Variants in OTOGL observed in about 807,000 individuals in gnomAD.
OTOGL encodes otogelin-like protein.
In OTOGL, 285 loss-of-function variants were observed where a neutral mutation model predicts 318.5. The ratio of observed to expected loss-of-function variants is 0.89; its 90% CI spans 0.81 to 0.99. The LOEUF is 0.99. OTOGL is among the 50% of genes least tolerant of loss of function. OTOGL has a pLI of 0.00. For missense variants in OTOGL, 2,899 were observed against 2,845.6 expected (o/e 1.02, Z -0.43); for synonymous variants, 987 against 936.5 (o/e 1.05, Z -0.99).
chr12:80,345,279 G>A (rs1285312701), intron 44 of OTOGL, among the ~76,000 whole-genome samples: 2 of 144,140 alleles, frequency 1.4e-5, no homozygotes, highest in Non-Finnish European at 3.0e-5. Context: ...AGGCACTGAT[G>A]TCATCCAGTA....
rs1879492846 is a variant in OTOGL at position 80,232,891 on chromosome 12, G to C, written c.612-1G>C. 1 of 1,594,074 alleles carries C rather than the reference G, an allele frequency of 6.3e-7. No homozygotes were observed. The highest frequency in any genetic ancestry group is 1.1e-5 in the South Asian group (1 of 90,804). The stretch of plus-strand genomic sequence containing the variant: ...AGATAGCTTTTGTTCTGTTTTTCAA[G>C]TTTAACATTGCCTCAGACAATTGGA... On this transcript the variant is annotated splice_acceptor_variant, in intron 8 of 58. Transcript: ENST00000547103. LOFTEE classifies it high-confidence loss of function.
At chr12:80,306,305 ATT>A (rs1886101245) in intron 29 of OTOGL, among the ~76,000 whole-genome samples, 1 of 152,170 alleles carries the variant, frequency 6.6e-6, no homozygotes, top group African/African-American at 2.4e-5. Flanking sequence ...CATAATATAT[ATT>A]TTTATTTATT....
intron 1 of OTOGL, among the ~76,000 whole-genome samples, chr12:80,165,176 C>A (rs879631716): frequency 6.6e-6 from 1 of 152,090 alleles, no homozygotes; most frequent in Non-Finnish European, 1.5e-5. Context: ...TTATGTCTGT[C>A]CAGTACTTTT....
rs11114377 is a variant in OTOGL at position 80,267,409 on chromosome 12, T to A, written c.2465+82T>A. On this transcript the variant is annotated intron_variant, in intron 22 of 58. Transcript: ENST00000547103. ...CTTTCTTTTATATATATATATATAT[T>A]TTTTTATTATACTTTAAGTTCTAGG... is the stretch of plus-strand genomic sequence containing the variant. 0.65 allele frequency: 366,483 copies of A among 567,664 alleles called. 113,197 individuals are homozygous for A. Among genetic ancestry groups the A allele is most frequent in the East Asian group, 0.81 (10,928 of 13,444 alleles). The allele number at this position is 567,664 out of a possible 1,614,324, so 35.2% of individuals were successfully genotyped here. A position where few individuals can be genotyped will look rare whatever the true frequency, so the allele number is the denominator to read the frequency against.
intron 20 of OTOGL, chr12:80,265,796 A>T (rs1163677445): frequency 1.3e-5 from 2 of 153,482 alleles, no homozygotes; most frequent in East Asian, 3.9e-4. Flanking sequence ...CCTTCATTGG[A>T]TTTTTCCAGT....
At chr12:80,159,347 T>C (rs1029546983) in intron 1 of OTOGL, among the ~76,000 whole-genome samples, 1 of 152,140 alleles carries the variant, frequency 6.6e-6, no homozygotes, top group Non-Finnish European at 1.5e-5. Flanking sequence ...ACTGGCTTCA[T>C]AGAATCATTT....
chr12:80,255,305 CATTG>C (rs2137517477), intron 16 of OTOGL, 120 bp downstream of exon 16: 3 of 994,786 alleles, frequency 3.0e-6, no homozygotes, highest in Non-Finnish European at 4.0e-6. Context: ...ACTAAGATGA[CATTG>C]ATTATTAAGA....
In OTOGL at chr12:80,271,733, T is replaced by G; in HGVS notation, c.2604T>G (p.Thr868=). Residue 868 remains threonine, a synonymous_variant, in exon 24 of 59, where the codon ACT becomes ACG. Transcript: ENST00000547103. The stretch of plus-strand genomic sequence containing the variant: ...CAGCTGGTGGTGTTAATTGTGAGAC[T>G]ACATGTGCAAACCTAGCCATGAACT... ...ELPAGGVNCE[T]TCANLAMNFT... is the part of the protein sequence containing the mutation. 1.2e-6 allele frequency: 2 copies of G among 1,613,130 alleles called. No homozygotes were observed. Among genetic ancestry groups the G allele is most frequent in the Non-Finnish European group, 1.7e-6 (2 of 1,179,390 alleles).
intron 1 of OTOGL, among the ~76,000 whole-genome samples, chr12:80,118,490 C>T (rs1870300028): frequency 6.6e-6 from 1 of 152,068 alleles, no homozygotes; most frequent in African/African-American, 2.4e-5. Context: ...CTCATGTGCC[C>T]AAAGTGTTTA....
chr12:80,109,791 T>C (rs529693798), intron 1 of OTOGL, among the ~76,000 whole-genome samples: 1 of 152,258 alleles, frequency 6.6e-6, no homozygotes, highest in African/African-American at 2.4e-5. Context: ...TTATTCTTTT[T>C]TTTCTTTTAG....
At chr12:80,344,041 G>A (rs527710221) in intron 44 of OTOGL, among the ~76,000 whole-genome samples, 9 of 152,238 alleles carry the variant, frequency 5.9e-5, no homozygotes, top group Admixed American at 2.6e-4. Context: ...CGTTCCCTGA[G>A]GGAAAAGACG....
At chr12:80,270,681 G>T (rs1432531336) in intron 23 of OTOGL, among the ~76,000 whole-genome samples, 1 of 151,898 alleles carries the variant, frequency 6.6e-6, no homozygotes, top group Non-Finnish European at 1.5e-5. Flanking sequence ...CATGGCTCTG[G>T]GACTAGTAGC....
At chr12:80,114,867 T>C (rs1278635369) in intron 1 of OTOGL, among the ~76,000 whole-genome samples, 1 of 151,792 alleles carries the variant, frequency 6.6e-6, no homozygotes, top group Non-Finnish European at 1.5e-5. Flanking sequence ...ATTAAGTTGA[T>C]CTTCAATCTC....
chr12:80,374,043 T>A (rs1207473111), intron 57 of OTOGL, among the ~76,000 whole-genome samples: 3 of 152,068 alleles, frequency 2.0e-5, no homozygotes, highest in African/African-American at 7.2e-5. Context: ...GACATCTAAT[T>A]TGTTATGATA....
chr12:80,305,689 A>C lies in OTOGL; in HGVS notation c.3327A>C (p.Leu1109Phe). 1 of 1,541,724 alleles carries C rather than the reference A, an allele frequency of 6.5e-7. No homozygotes were observed. Among genetic ancestry groups the C allele is most frequent in the Non-Finnish European group, 8.6e-7 (1 of 1,157,608 alleles). ...NARVFGDSWA[L>F]GQCESPDETI... ...GGGTATTTGGAGATAGTTGGGCATT[A>C]GGACAGGTAAGTTACATAAATGTAT... is the stretch of plus-strand genomic sequence containing the variant. The change falls in exon 29 of 59, where the codon TTA becomes TTC. Residue 1109 changes from leucine (L) to phenylalanine (F), a missense_variant. Coordinates refer to ENST00000547103, the MANE Select transcript of OTOGL (RefSeq NM_001378609.3).
chr12:80,202,180 T>C (rs571917052), intron 1 of OTOGL, among the ~76,000 whole-genome samples: 8 of 152,300 alleles, frequency 5.3e-5, no homozygotes, highest in African/African-American at 1.7e-4. Context: ...TTGGTGGTAT[T>C]GAGATCACTT....
At chr12:80,219,970 A>T in intron 6 of OTOGL, 58 bp downstream of exon 6, 3 of 1,206,918 alleles carry the variant, frequency 2.5e-6, no homozygotes, top group Non-Finnish European at 3.5e-6. Context: ...AAATTAAGGC[A>T]TAATTTGCTA....
In OTOGL at chr12:80,278,269, A is replaced by G. The variant is rs1278502926; in HGVS notation, c.2783A>G (p.Tyr928Cys). ...GGAGAAGTGATTGCTACACCGTGTT[A>G]CACCTGGTAAGGAGATCCATTTATT... is the stretch of plus-strand genomic sequence containing the variant. ...LSGEVIATPC[Y>C]TCVCRRGMFN... The change falls in exon 25 of 59, where the codon TAC becomes TGC. Residue 928 changes from tyrosine to cysteine, a missense_variant. By Grantham distance (194) the Tyr-to-Cys change is radical. Coordinates refer to ENST00000547103, the MANE Select transcript of OTOGL (RefSeq NM_001378609.3). 2.0e-6 allele frequency: 3 copies of G among 1,530,648 alleles called. No homozygotes were observed. In the African/African-American group the frequency reaches 4.1e-5, roughly 21 times the overall value. The allele number at this position is 1,530,648 out of a possible 1,614,324, so 94.8% of individuals were successfully genotyped here.
At chr12:80,279,464 T>C (rs371139811) in intron 26 of OTOGL, among the ~76,000 whole-genome samples, 9 of 151,398 alleles carry the variant, frequency 5.9e-5, no homozygotes, top group Middle Eastern at 3.2e-3. Context: ...CCTTAAGTAG[T>C]AGGCCCCAAT....
Sources: allele counts gnomAD v4.1 joint callset (sites outside exome capture counted in the v4.1 genomes callset), GRCh38; gene constraint gnomAD v4.1.1; transcripts MANE v1.5; gene names NCBI Gene and HGNC (gene_info 2026-07-23, HGNC 2026-07-21).